The following USP32 variants were observed in gnomAD, a reference collection of about 807,000 sequenced individuals.
The protein encoded by USP32 is ubiquitin specific peptidase 32.
In USP32, 59 loss-of-function variants were observed where a neutral mutation model predicts 204.8. That is an observed-to-expected ratio of 0.29 (90% confidence interval 0.23 to 0.36). The LOEUF (loss-of-function observed/expected upper bound fraction) is 0.36. Among genes scored for constraint, USP32 ranks in the 10% least tolerant of loss-of-function variants. USP32 has a pLI of 1.00. For synonymous variants in USP32, 517 were observed against 678.4 expected (o/e 0.76, Z 3.70); for missense variants, 1,160 against 1,946.4 (o/e 0.60, Z 7.60).
rs118095367 is a variant in USP32 at position 60,320,007 on chromosome 17, C to T, written c.187-18303G>A. On this transcript the variant is annotated intron_variant, in intron 2 of 33. Coordinates refer to ENST00000300896, the MANE Select transcript of USP32 (RefSeq NM_032582.4). ...CCCCAACAGACACCAAGGATGACTGCGTAAGTATCTTCAATATCAGCATTG... is the reference window on the plus strand; with the variant it reads ...CCCCAACAGACACCAAGGATGACTGTGTAAGTATCTTCAATATCAGCATTG... Among the ~76,000 whole-genome samples the T allele has an allele frequency of 2.0e-3, 300 of 152,150 alleles. 4 individuals carry two copies. In the East Asian group the frequency reaches 0.046, roughly 23 times the overall value.
chr17:60,341,831 C>T (rs1321077647), intron 2 of USP32, among the ~76,000 whole-genome samples: 1 of 152,042 alleles, frequency 6.6e-6, no homozygotes, highest in Non-Finnish European at 1.5e-5. Context: ...TTTTAGCTTC[C>T]TTGCGATGGG....
At chr17:60,226,281 C>A in intron 12 of USP32, 50 bp from the exon 13 acceptor site, 3 of 1,440,362 alleles carry the variant, frequency 2.1e-6, no homozygotes, top group Non-Finnish European at 2.8e-6. Context: ...AATCTGACAA[C>A]TATGTAGTCT....
rs151265987 is a variant in USP32, at chr17:60,321,036, A to C, written c.187-19332T>G. 2.2e-3 allele frequency among the ~76,000 whole-genome samples: 336 copies of C among 152,298 alleles called. 1 individual carries two copies. The highest frequency in any genetic ancestry group is 7.6e-3 in the African/African-American group (315 of 41,552). ...AGTAGCACAAAGTATATGGCACAGTAGTATAACTAAAAACCCTAACTCTCT... is the reference window on the plus strand; with the variant it reads ...AGTAGCACAAAGTATATGGCACAGTCGTATAACTAAAAACCCTAACTCTCT... On this transcript the variant is annotated intron_variant, in intron 2 of 33. Transcript: ENST00000300896.
chr17:60,402,171 G>T (rs1429719173), intron 1 of USP32, among the ~76,000 whole-genome samples: 1 of 151,620 alleles, frequency 6.6e-6, no homozygotes, highest in Non-Finnish European at 1.5e-5. Flanking sequence ...CATTCTAGTG[G>T]TTGTCCCTTC....
chr17:60,420,759 GAAGA>G (rs2090105339), intron 1 of USP32, among the ~76,000 whole-genome samples: 1 of 152,168 alleles, frequency 6.6e-6, no homozygotes, highest in Admixed American at 6.5e-5. Context: ...GATAATATGT[GAAGA>G]AAGTGAAAAA....
chr17:60,213,236 A>G (rs981332017), intron 18 of USP32, among the ~76,000 whole-genome samples: 5 of 152,208 alleles, frequency 3.3e-5, no homozygotes, highest in Non-Finnish European at 7.3e-5. Context: ...ACTATGCAAG[A>G]AAGTTGTTCT....
At chr17:60,303,307 A>T (rs1051208030) in intron 2 of USP32, among the ~76,000 whole-genome samples, 1 of 152,150 alleles carries the variant, frequency 6.6e-6, no homozygotes, top group Admixed American at 6.6e-5. Context: ...GGGCAGGAAA[A>T]CATAATGGCC....
chr17:60,208,632 T>C, intron 23 of USP32, 22 bp downstream of exon 23: 1 of 1,468,334 alleles, frequency 6.8e-7, no homozygotes, highest in Middle Eastern at 1.8e-4. Context: ...GTCAAGTAAT[T>C]TTTCAGAACT....
At chr17:60,412,553 A>T (rs2090027030) in intron 1 of USP32, among the ~76,000 whole-genome samples, 2 of 150,608 alleles carry the variant, frequency 1.3e-5, no homozygotes, top group South Asian at 4.2e-4. Context: ...AAAAAAAAAT[A>T]GTGATTTCCA....
At chr17:60,234,422 C>T (rs952101675) in intron 12 of USP32, among the ~76,000 whole-genome samples, 10 of 148,104 alleles carry the variant, frequency 6.8e-5, no homozygotes, top group African/African-American at 2.5e-4. Flanking sequence ...TCAAGCATGA[C>T]TAATTTAAAA....
At chr17:60,209,913 T>C (rs945527572) in intron 21 of USP32, among the ~76,000 whole-genome samples, 52 of 152,090 alleles carry the variant, frequency 3.4e-4, no homozygotes, top group African/African-American at 1.2e-3. Context: ...GCATATAAAA[T>C]ATGTATATTT....
intron 1 of USP32, among the ~76,000 whole-genome samples, chr17:60,384,493 T>C (rs1345235089): frequency 6.6e-6 from 1 of 152,188 alleles, no homozygotes; most frequent in Admixed American, 6.5e-5. Context: ...CACAAGATAG[T>C]GATGAGCGCC....
At chr17:60,276,966 T>TATATATATAAAA (rs60544670) in intron 5 of USP32, among the ~76,000 whole-genome samples, 27 of 149,816 alleles carry the variant, frequency 1.8e-4, no homozygotes, top group African/African-American at 6.5e-4. Context: ...TATATATATA[T>TATATATATAAAA]AAAATTACCA....
At chr17:60,212,230 T>C (rs1425094769) in intron 18 of USP32, 132 bp from the exon 19 acceptor site, 11 of 731,844 alleles carry the variant, frequency 1.5e-5, no homozygotes, top group Non-Finnish European at 2.5e-5. Context: ...AGTACATACA[T>C]TGCTTAACGA....
In USP32 at chr17:60,183,165, C is replaced by G; in HGVS notation, c.4123G>C (p.Gly1375Arg). ...CCTGCATAAGGCCCCCAGGCCTCAC[C>G]TTTCGGGCTGCTGATGATGTTAGCG... ...LSANIISSPK[G>R]SPSSSRKSGT... Residue 1375 changes from glycine to arginine, a missense_variant and splice_region_variant, in exon 31 of 34, where the codon GGT becomes CGT. By Grantham distance (125) the Gly-to-Arg change is moderately radical (BLOSUM62 -2). Around this residue, in one of 8 missense-constraint regions of USP32, gnomAD observed 244 missense variants for 342.3 expected, o/e 0.71. Transcript: ENST00000300896. The G allele has an allele frequency of 6.2e-7, 1 of 1,607,178 alleles. No homozygotes were observed. The highest frequency in any genetic ancestry group is 2.2e-5 in the East Asian group (1 of 44,812).
At chr17:60,277,723 T>C (rs2086872136) in intron 5 of USP32, among the ~76,000 whole-genome samples, 2 of 152,166 alleles carry the variant, frequency 1.3e-5, no homozygotes, top group African/African-American at 4.8e-5. Flanking sequence ...TACTTCAGAA[T>C]CCAGATTCTA....
intron 1 of USP32, among the ~76,000 whole-genome samples, chr17:60,373,548 AT>A (rs112734506): frequency 0.17 from 25,104 of 151,402 alleles, 4,745 homozygotes; most frequent in African/African-American, 0.46. Context: ...GGTTCAAGCA[AT>A]TCTCGTGCCT....
chr17:60,221,791 T>C (rs532209690), intron 15 of USP32, among the ~76,000 whole-genome samples: 19 of 152,034 alleles, frequency 1.2e-4, no homozygotes, highest in African/African-American at 4.6e-4. Flanking sequence ...GGTGGAAGAG[T>C]GTTTCTTAAT....
At chr17:60,314,676 T>C (rs148387519) in intron 2 of USP32, among the ~76,000 whole-genome samples, 1 of 152,206 alleles carries the variant, frequency 6.6e-6, no homozygotes, top group African/African-American at 2.4e-5. Flanking sequence ...CAGAAACATA[T>C]TTGAAGAACA....
Sources: allele counts gnomAD v4.1 joint callset (sites outside exome capture counted in the v4.1 genomes callset), GRCh38; gene constraint gnomAD v4.1.1; regional missense constraint gnomAD v4.1.1; transcripts MANE v1.5; gene names NCBI Gene and HGNC (gene_info 2026-07-23, HGNC 2026-07-21).